The following SSBP2 variants were observed in gnomAD, a reference collection of about 807,000 sequenced individuals.
The protein encoded by SSBP2 is single-stranded DNA-binding protein 2.
SSBP2 carries 17 observed loss-of-function variants against 61.8 expected under a neutral mutation model. The ratio of observed to expected loss-of-function variants is 0.28; its 90% confidence interval spans 0.19 to 0.41. SSBP2 has a LOEUF of 0.41. Ranked by LOEUF, SSBP2 falls within the 10% of genes least tolerant of loss-of-function variation. The pLI is 1.00. For missense variants in SSBP2, 310 were observed against 458.7 expected (o/e 0.68, Z 2.96); for synonymous variants, 139 against 141.3 (o/e 0.98, Z 0.12).
chr5:81,555,902 A>T (rs985664059), intron 4 of SSBP2, among the ~76,000 whole-genome samples: 3 of 152,082 alleles, frequency 2.0e-5, no homozygotes, highest in Non-Finnish European at 2.9e-5. Context: ...TATTCTAGAA[A>T]AGAGATCAGC....
At chr5:81,527,120 T>C (rs1770002077) in intron 4 of SSBP2, among the ~76,000 whole-genome samples, 1 of 151,994 alleles carries the variant, frequency 6.6e-6, no homozygotes, top group Admixed American at 6.6e-5. Flanking sequence ...CACAGGGATT[T>C]CAAAGCGTGG....
intron 5 of SSBP2, among the ~76,000 whole-genome samples, chr5:81,512,786 T>C (rs1374145108): frequency 6.6e-6 from 1 of 152,112 alleles, no homozygotes; most frequent in Non-Finnish European, 1.5e-5. Flanking sequence ...ACTCTGAAAA[T>C]ACAAAATGGA....
intron 10 of SSBP2, 98 bp downstream of exon 10, chr5:81,460,957 C>T (rs1208368991): frequency 3.1e-6 from 2 of 641,908 alleles, no homozygotes; most frequent in Non-Finnish European, 4.7e-6. Flanking sequence ...AGGGTTACTA[C>T]AACCAATTGC....
At chr5:81,744,633 T>C (rs1264985697) in intron 1 of SSBP2, among the ~76,000 whole-genome samples, 1 of 151,938 alleles carries the variant, frequency 6.6e-6, no homozygotes, top group Non-Finnish European at 1.5e-5. Flanking sequence ...CAAAGGGCTA[T>C]ATTTTAGCCT....
intron 10 of SSBP2, 69 bp from the exon 11 acceptor site, chr5:81,448,894 T>A: frequency 1.7e-6 from 2 of 1,209,466 alleles, no homozygotes; most frequent in Non-Finnish European, 2.4e-6. Flanking sequence ...TAAAATGAAT[T>A]TATTTCATGA....
rs981803846 is a variant in SSBP2 at position 81,618,019 on chromosome 5, C to T, written c.198-2462G>A. Among the ~76,000 whole-genome samples, 22 of 127,866 alleles carry T rather than the reference C, an allele frequency of 1.7e-4. 2 individuals carry two copies. Among genetic ancestry groups the T allele is most frequent in the Admixed American group, 1.1e-3 (13 of 12,142 alleles). 83.9% of individuals were successfully genotyped at this position (127,866 alleles called of 152,430 possible). A position where few individuals can be genotyped will look rare whatever the true frequency, so the allele number is the denominator to read the frequency against. ...AATCATGCCAAAATGTAAAGACCAT[C>T]GAGACTAGGAAGAAACCGCATCAAC... On this transcript the variant is annotated intron_variant, in intron 3 of 16. Coordinates refer to ENST00000320672, the MANE Select transcript of SSBP2 (RefSeq NM_012446.5).
intron 1 of SSBP2, among the ~76,000 whole-genome samples, chr5:81,730,950 C>A (rs1157160236): frequency 6.6e-6 from 1 of 152,152 alleles, no homozygotes; most frequent in African/African-American, 2.4e-5. Flanking sequence ...AGAAAATTTA[C>A]AATCTTAACC....
At chr5:81,539,838 G>A (rs1463719318) in intron 4 of SSBP2, among the ~76,000 whole-genome samples, 1 of 152,094 alleles carries the variant, frequency 6.6e-6, no homozygotes, top group Non-Finnish European at 1.5e-5. Context: ...GAAGTTTGCT[G>A]CACCCGTCAA....
chr5:81,544,643 G>A (rs1771588487), intron 4 of SSBP2, among the ~76,000 whole-genome samples: 1 of 152,106 alleles, frequency 6.6e-6, no homozygotes, highest in Non-Finnish European at 1.5e-5. Context: ...AAGAGTAAAT[G>A]TGCTGATATC....
At chr5:81,504,129 CTAAAA>C (rs1360671589) in intron 5 of SSBP2, among the ~76,000 whole-genome samples, 1 of 152,096 alleles carries the variant, frequency 6.6e-6, no homozygotes, top group African/African-American at 2.4e-5. Flanking sequence ...ACCCCTGAAT[CTAAAA>C]TAAAAGAAAA....
intron 4 of SSBP2, among the ~76,000 whole-genome samples, chr5:81,578,298 C>T (rs1581072761): frequency 1.3e-5 from 2 of 152,084 alleles, no homozygotes; most frequent in South Asian, 4.1e-4. Flanking sequence ...ACTGACAGCA[C>T]TTCTATAAAG....
intron 4 of SSBP2, among the ~76,000 whole-genome samples, chr5:81,583,339 A>G (rs2153480705): frequency 6.6e-6 from 1 of 152,084 alleles, no homozygotes; most frequent in South Asian, 2.1e-4. Context: ...TTTCAAGAGT[A>G]GCCATTGAGG....
chr5:81,652,398 C>T (rs1304487960), intron 1 of SSBP2, among the ~76,000 whole-genome samples: 1 of 152,056 alleles, frequency 6.6e-6, no homozygotes, highest in Non-Finnish European at 1.5e-5. Context: ...CTCTATAAGT[C>T]TAAAACAGTG....
At chr5:81,467,797 C>T (rs936300418) in intron 8 of SSBP2, among the ~76,000 whole-genome samples, 2 of 151,912 alleles carry the variant, frequency 1.3e-5, no homozygotes, top group African/African-American at 4.8e-5. Context: ...AATATTCCTC[C>T]AACTCTTCTG....
At chr5:81,473,288 G>A (rs527281086) in intron 8 of SSBP2, among the ~76,000 whole-genome samples, 3 of 152,094 alleles carry the variant, frequency 2.0e-5, no homozygotes, top group Admixed American at 6.6e-5. Flanking sequence ...AGTGCAGAAC[G>A]TGTAGGTTTG....
At chr5:81,735,817 T>C (rs1357317122) in intron 1 of SSBP2, among the ~76,000 whole-genome samples, 1 of 152,172 alleles carries the variant, frequency 6.6e-6, no homozygotes, top group Non-Finnish European at 1.5e-5. Flanking sequence ...TTAGATAAAA[T>C]AGAACATCGA....
chr5:81,657,135 C>T (rs539808281), intron 1 of SSBP2, among the ~76,000 whole-genome samples: 1 of 152,176 alleles, frequency 6.6e-6, no homozygotes, highest in Non-Finnish European at 1.5e-5. Flanking sequence ...ATTACTTCCC[C>T]TGAGCTTATA....
At chr5:81,530,770 G>A (rs1359484741) in intron 4 of SSBP2, among the ~76,000 whole-genome samples, 1 of 152,042 alleles carries the variant, frequency 6.6e-6, no homozygotes, top group Non-Finnish European at 1.5e-5. Context: ...GGAATCTCTT[G>A]CACCTAGGTG....
At chr5:81,450,236 T>A (rs1361225977) in intron 10 of SSBP2, among the ~76,000 whole-genome samples, 2 of 152,184 alleles carry the variant, frequency 1.3e-5, no homozygotes, top group African/African-American at 4.8e-5. Flanking sequence ...TTGCCCACGC[T>A]GGTCTCAAAC....
Sources: gnomAD v4.1 joint callset for allele counts (sites outside exome capture counted in the v4.1 genomes callset) on GRCh38, gnomAD v4.1.1 for gene constraint, MANE v1.5 for transcripts, NCBI Gene and HGNC (gene_info 2026-07-23, HGNC 2026-07-21) for gene names.